GABRG3: variants seen among roughly 807,000 people sequenced by gnomAD.
GABRG3 encodes the protein gamma-aminobutyric acid receptor subunit gamma-3.
In GABRG3, 25 loss-of-function variants were observed where a neutral mutation model predicts 48.8. The observed-to-expected ratio is 0.51, with a 90% CI of 0.37 to 0.72. GABRG3 has a LOEUF of 0.72. Ranked by LOEUF, GABRG3 falls within the 30% of genes least tolerant of loss-of-function variation. The pLI is 0.00. For missense variants in GABRG3, 394 were observed against 577.9 expected, an observed-to-expected ratio of 0.68 and a Z score of 3.26; for synonymous variants, 227 against 217.6, an observed-to-expected ratio of 1.04 and a Z score of -0.38.
intron 3 of GABRG3, among the ~76,000 whole-genome samples, chr15:27,276,318 T>A (rs1304036789): frequency 6.6e-6 from 1 of 152,218 alleles, no homozygotes; most frequent in Non-Finnish European, 1.5e-5. Flanking sequence ...TTAGGGAAGC[T>A]TCAGTTATTG....
chr15:27,021,275 A>G (rs1895889163), intron 2 of GABRG3, among the ~76,000 whole-genome samples: 1 of 152,188 alleles, frequency 6.6e-6, no homozygotes, highest in South Asian at 2.1e-4. Context: ...AAGTAATTAT[A>G]ACTTTACAAC....
intron 3 of GABRG3, among the ~76,000 whole-genome samples, chr15:27,244,213 G>A (rs181180629): frequency 2.2e-4 from 33 of 152,324 alleles, no homozygotes; most frequent in African/African-American, 7.7e-4. Context: ...TGCTCACTGA[G>A]CTGTGGGAGT....
In GABRG3 at chr15:27,480,747, G is replaced by A; in HGVS notation, c.672G>A (p.Met224Ile). Residue 224 changes from methionine to isoleucine, a missense_variant, in exon 6 of 10, where the codon ATG becomes ATA. Physicochemically the swap from Met to Ile is conservative, Grantham distance 10. Around this residue, in one of 3 missense-constraint regions of GABRG3, gnomAD observed 218 missense variants for 309.9 expected, o/e 0.70. Coordinates refer to ENST00000615808, the MANE Select transcript of GABRG3 (RefSeq NM_033223.5). The part of the protein sequence containing the change: ...KSWRLYQFDF[M>I]GLRNTTEIVT... ...GGCGGCTTTATCAGTTTGACTTCAT[G>A]GGCCTCAGAAACACCACAGAAATCG... 1.1e-5 allele frequency: 18 copies of A among 1,613,732 alleles called. No individual in the cohort carries two copies. Among genetic ancestry groups the A allele is most frequent in the Non-Finnish European group, 1.5e-5 (18 of 1,179,794 alleles).
chr15:27,533,001 T>G lies in GABRG3; in HGVS notation c.*120T>G. On this transcript the variant is annotated 3_prime_UTR_variant, in exon 10 of 10. Transcript: ENST00000615808. ...GGACACTGCCCAGTGTATCTTGTTA[T>G]AAATGACCTTTCAGCAACACAGGAA... 2 of 923,226 alleles carry G rather than the reference T, an allele frequency of 2.2e-6. No homozygotes were observed. Among genetic ancestry groups the G allele is most frequent in the Non-Finnish European group, 3.2e-6 (2 of 625,806 alleles). The allele number at this position is 923,226 out of a possible 1,614,324, so 57.2% of individuals were successfully genotyped here.
At chr15:27,164,731 C>T (rs1344710320) in intron 3 of GABRG3, among the ~76,000 whole-genome samples, 2 of 152,200 alleles carry the variant, frequency 1.3e-5, no homozygotes, top group Admixed American at 6.5e-5. Context: ...AGATTTACGT[C>T]GAACCTTTTG....
chr15:27,227,403 G>C (rs1052425305), intron 3 of GABRG3, among the ~76,000 whole-genome samples: 1 of 152,060 alleles, frequency 6.6e-6, no homozygotes, highest in Non-Finnish European at 1.5e-5. Context: ...GAGGCTGAGG[G>C]GGGAGGATCA....
chr15:27,057,007 A>AT, intron 3 of GABRG3, among the ~76,000 whole-genome samples: 1 of 152,132 alleles, frequency 6.6e-6, no homozygotes, highest in East Asian at 1.9e-4. Context: ...CCTGCTTATT[A>AT]TCAAGGGAAG....
chr15:27,379,213 AATTATTCTTATTTTT>A, intron 5 of GABRG3, among the ~76,000 whole-genome samples: 1 of 152,192 alleles, frequency 6.6e-6, no homozygotes, highest in East Asian at 1.9e-4. Context: ...TCAGCATATC[AATTATTCTTATTTTT>A]CCCCTTGTTT....
At chr15:27,282,771 G>A (rs1566992696) in intron 3 of GABRG3, among the ~76,000 whole-genome samples, 1 of 152,122 alleles carries the variant, frequency 6.6e-6, no homozygotes, top group Non-Finnish European at 1.5e-5. Context: ...GCATGAGTTA[G>A]CATCTACCTG....
intron 3 of GABRG3, among the ~76,000 whole-genome samples, chr15:27,032,048 A>G (rs1196405579): frequency 2.6e-5 from 4 of 152,130 alleles, no homozygotes; most frequent in Non-Finnish European, 4.4e-5. Flanking sequence ...TGAAGGTTAC[A>G]TGCTTCTCCC....
At chr15:27,350,887 T>TGTGGGTCGTGTGTGTTTGTGTGTGTGG (rs368003792) in intron 5 of GABRG3, among the ~76,000 whole-genome samples, 1 of 151,648 alleles carries the variant, frequency 6.6e-6, no homozygotes, top group Non-Finnish European at 1.5e-5. Flanking sequence ...GGTGTGTGTG[T>TGTGGGTCGTGTGTGTTTGTGTGTGTGG]GTCGTGTGTG....
chr15:27,054,323 A>G (rs1298348077), intron 3 of GABRG3, among the ~76,000 whole-genome samples: 1 of 152,104 alleles, frequency 6.6e-6, no homozygotes, highest in African/African-American at 2.4e-5. Context: ...TGTGCTCACT[A>G]CCTGGGAGAT....
Position 27,369,878 on chromosome 15 carries a change from A to C in GABRG3, c.574+40990A>C, listed in dbSNP as rs567412118. On this transcript the variant is annotated intron_variant, in intron 5 of 9. Coordinates refer to ENST00000615808, the MANE Select transcript of GABRG3 (RefSeq NM_033223.5). ...AAAAACCTTTCAGATGTGGGCACGGACCCAGATCTCCACCGTCCTCTTTTC... is the reference window on the plus strand; with the variant it reads ...AAAAACCTTTCAGATGTGGGCACGGCCCCAGATCTCCACCGTCCTCTTTTC... Among the ~76,000 whole-genome samples the C allele has an allele frequency of 2.2e-3, 334 of 150,078 alleles. 2 individuals carry two copies. Among genetic ancestry groups the C allele is most frequent in the African/African-American group, 7.9e-3 (320 of 40,524 alleles).
chr15:27,386,325 T>G (rs1895919467), intron 5 of GABRG3, among the ~76,000 whole-genome samples: 1 of 152,192 alleles, frequency 6.6e-6, no homozygotes, highest in South Asian at 2.1e-4. Flanking sequence ...CCAGGGACTT[T>G]TAGTTCCAAC....
chr15:27,183,277 C>A (rs760439255), intron 3 of GABRG3, among the ~76,000 whole-genome samples: 3 of 152,100 alleles, frequency 2.0e-5, no homozygotes, highest in Non-Finnish European at 4.4e-5. Context: ...GGCCACAGAA[C>A]AACTGGAAAG....
chr15:27,218,997 G>A (rs1038898985), intron 3 of GABRG3, among the ~76,000 whole-genome samples: 1 of 152,106 alleles, frequency 6.6e-6, no homozygotes, highest in African/African-American at 2.4e-5. Flanking sequence ...TGGCCATACC[G>A]GGGTCTGGGA....
chr15:27,238,043 C>T (rs575721718), intron 3 of GABRG3, among the ~76,000 whole-genome samples: 3 of 152,294 alleles, frequency 2.0e-5, no homozygotes, highest in East Asian at 3.9e-4. Flanking sequence ...TTCCATTCAG[C>T]GTTTGGAAGC....
intron 5 of GABRG3, among the ~76,000 whole-genome samples, chr15:27,459,038 C>G (rs899603751): frequency 6.6e-6 from 1 of 152,216 alleles, no homozygotes; most frequent in Non-Finnish European, 1.5e-5. Context: ...CTTCCAACAC[C>G]CATAAGTCTT....
intron 3 of GABRG3, among the ~76,000 whole-genome samples, chr15:27,215,105 T>A (rs931962260): frequency 3.3e-5 from 5 of 152,240 alleles, no homozygotes; most frequent in African/African-American, 1.2e-4. Context: ...GCCAGTTTCT[T>A]AGCTAATTTT....
Sources: allele counts gnomAD v4.1 joint callset (sites outside exome capture counted in the v4.1 genomes callset), GRCh38; gene constraint gnomAD v4.1.1; regional missense constraint gnomAD v4.1.1; transcripts MANE v1.5; gene names NCBI Gene and HGNC (gene_info 2026-07-23, HGNC 2026-07-21).